The following ZNF30 variants were observed in gnomAD, a reference collection of about 807,000 sequenced individuals.
The protein encoded by ZNF30 is zinc finger protein 30 (KOX 28).
In ZNF30, 15 loss-of-function variants were observed where a neutral mutation model predicts 13.2. That is an observed-to-expected ratio of 1.13 (90% CI 0.76 to 1.75). The LOEUF is 1.75. Ranked by LOEUF, ZNF30 falls within the 40% of genes most tolerant of loss-of-function variation. The pLI is 0.00. For missense variants in ZNF30, 726 were observed against 757.0 expected (o/e 0.96, Z 0.48); for synonymous variants, 223 against 256.6 (o/e 0.87, Z 1.25).
At position 34,944,632 on chromosome 19, in the gene ZNF30, A is replaced by G; in HGVS notation, c.1666A>G (p.Ile556Val). The G allele has an allele frequency of 6.2e-7, 1 of 1,614,132 alleles. No individual in the cohort carries two copies. The highest frequency in any genetic ancestry group is 8.5e-7 in the Non-Finnish European group (1 of 1,179,984). ...AGCCTTTACTGTTTATGGACAACTT[A>G]TTGGACATCAGAGTGTTCACACTGG... ...GKAFTVYGQL[I>V]GHQSVHTGEK... Residue 556 changes from isoleucine to valine, a missense_variant, in exon 5 of 5, where the codon ATT becomes GTT. Transcript: ENST00000601142.
At chr19:34,932,756 G>A (rs182177365) in intron 3 of ZNF30, among the ~76,000 whole-genome samples, 5 of 150,650 alleles carry the variant, frequency 3.3e-5, no homozygotes, top group Admixed American at 6.6e-5. Context: ...CACAATCCGC[G>A]TTCTCAATCA....
intron 4 of ZNF30, among the ~76,000 whole-genome samples, chr19:34,936,729 CTATATAAAATG>C (rs1290646674): frequency 6.6e-6 from 1 of 152,002 alleles, no homozygotes; most frequent in Non-Finnish European, 1.5e-5. Flanking sequence ...TATCCCATCT[CTATATAAAATG>C]TACAAATTAG....
At chr19:34,933,231 G>A (rs1288635898) in intron 3 of ZNF30, among the ~76,000 whole-genome samples, 3 of 151,964 alleles carry the variant, frequency 2.0e-5, no homozygotes, top group Admixed American at 6.6e-5. Context: ...CAAGGTGGGC[G>A]GATCACGAGG....
intron 1 of ZNF30, among the ~76,000 whole-genome samples, chr19:34,928,220 A>AAAAAATATATATATATAT (rs1555778254): frequency 1.4e-5 from 1 of 73,416 alleles, no homozygotes; most frequent in Non-Finnish European, 2.6e-5. Context: ...AAAAAAAAAA[A>AAAAAATATATATATATAT]ATATATATAT....
chr19:34,931,982 T>G lies in ZNF30; in HGVS notation c.149T>G (p.Leu50Trp). The G allele has an allele frequency of 6.3e-7, 1 of 1,597,754 alleles. No homozygotes were observed. Among genetic ancestry groups the G allele is most frequent in the Non-Finnish European group, 8.5e-7 (1 of 1,174,464 alleles). Residue 50 changes from leucine (L) to tryptophan (W), a missense_variant, in exon 3 of 5, where the codon TTG becomes TGG. Coordinates refer to ENST00000601142, the MANE Select transcript of ZNF30 (RefSeq NM_194325.3). ...GTGATGTTGGAGAACTACAGGAACT[T>G]GGTGTCAATGGGTAAGTGTACTTCT... ...RDVMLENYRN[L>W]VSMGHSRSKP...
chr19:34,927,450 T>C (rs1351321607), intron 1 of ZNF30, among the ~76,000 whole-genome samples: 1 of 152,264 alleles, frequency 6.6e-6, no homozygotes, highest in Non-Finnish European at 1.5e-5. Context: ...ACGATAGTTA[T>C]GATACCTTTT....
chr19:34,926,402 C>G (rs1777740389), upstream of ZNF30, among the ~76,000 whole-genome samples: 1 of 152,128 alleles, frequency 6.6e-6, no homozygotes, highest in South Asian at 2.1e-4. Context: ...TAGTTAATAT[C>G]TGTTTGATTA....
intron 3 of ZNF30, 87 bp from the exon 4 acceptor site, chr19:34,933,541 C>G (rs2012570433): frequency 1.0e-6 from 1 of 984,600 alleles, no homozygotes; most frequent in Non-Finnish European, 1.6e-6. Flanking sequence ...ATCGTTTGAC[C>G]TTTCATTTAT....
intron 1 of ZNF30, among the ~76,000 whole-genome samples, chr19:34,928,220 AATATATATATAT>A (rs374649415): frequency 5.4e-5 from 4 of 73,422 alleles, no homozygotes; most frequent in East Asian, 6.3e-4. Context: ...AAAAAAAAAA[AATATATATATAT>A]ATATATATAT....
At chr19:34,930,079 T>C in intron 2 of ZNF30, 123 bp downstream of exon 2, 1 of 970,610 alleles carries the variant, frequency 1.0e-6, no homozygotes, top group Non-Finnish European at 1.5e-6. Context: ...TCCTTCTGTT[T>C]GGCGGAATGA....
intron 3 of ZNF30, 41 bp from the exon 4 acceptor site, chr19:34,933,587 T>A (rs763741973): frequency 4.9e-5 from 71 of 1,442,174 alleles, no homozygotes; most frequent in Non-Finnish European, 5.7e-5. Context: ...ATTTTTGAAC[T>A]CATATTTTAT....
At chr19:34,942,237 A>G (rs1176860278) in intron 4 of ZNF30, among the ~76,000 whole-genome samples, 2 of 152,080 alleles carry the variant, frequency 1.3e-5, no homozygotes, top group Non-Finnish European at 2.9e-5. Context: ...GAGCCTAGGA[A>G]TTGGAGACCA....
intron 3 of ZNF30, among the ~76,000 whole-genome samples, chr19:34,932,901 C>T (rs1437208942): frequency 1.3e-5 from 2 of 151,596 alleles, no homozygotes; most frequent in Non-Finnish European, 2.9e-5. Flanking sequence ...CTGCCTCAGC[C>T]TCCCTAGTAG....
In ZNF30 at chr19:34,929,879, T is replaced by G. The variant is rs1195601682; in HGVS notation, c.-64-5T>G. The G allele has an allele frequency of 4.1e-6, 6 of 1,457,732 alleles. No individual in the cohort carries two copies. Among genetic ancestry groups the G allele is most frequent in the Non-Finnish European group, 5.6e-6 (6 of 1,069,600 alleles). The allele number at this position is 1,457,732 out of a possible 1,614,324, so 90.3% of individuals were successfully genotyped here. On this transcript the variant is annotated splice_polypyrimidine_tract_variant and splice_region_variant and intron_variant, in intron 1 of 4. Coordinates refer to ENST00000601142, the MANE Select transcript of ZNF30 (RefSeq NM_194325.3). ...GCCTCCTTTTCTCCTCTCTGGATTTTCTAGCTTTTGAACTTCTCAGATAGA... is the reference window on the plus strand; with the variant it reads ...GCCTCCTTTTCTCCTCTCTGGATTTGCTAGCTTTTGAACTTCTCAGATAGA...
At position 34,933,684 on chromosome 19, in the gene ZNF30, G is replaced by A. The variant is rs766977255; in HGVS notation, c.217G>A (p.Glu73Lys). 33 of 1,597,668 alleles carry A rather than the reference G, an allele frequency of 2.1e-5. No individual in the cohort carries two copies. In the African/African-American group the frequency reaches 4.2e-4, roughly 20 times the overall value. ...CTTATTGGAACAATGGAAAGAGCCT[G>A]AAGTGACAGTGAGGAAAGATGGAAG... is the stretch of plus-strand genomic sequence containing the variant. ...IALLEQWKEP[E>K]VTVRKDGRRW... The change falls in exon 4 of 5, where the codon GAA becomes AAA. Residue 73 changes from glutamate (E) to lysine (K), a missense_variant. By Grantham distance (56) the Glu-to-Lys change is moderately conservative. Coordinates refer to ENST00000601142, the MANE Select transcript of ZNF30 (RefSeq NM_194325.3).
At chr19:34,924,919 A>G (rs1391505508), upstream of ZNF30, among the ~76,000 whole-genome samples, 1 of 152,238 alleles carries the variant, frequency 6.6e-6, no homozygotes, top group Non-Finnish European at 1.5e-5. Flanking sequence ...TAATTCCAAT[A>G]AGGCTAAAAA....
chr19:34,928,219 AAATAT>A (rs1433022840), intron 1 of ZNF30, among the ~76,000 whole-genome samples: 1 of 62,922 alleles, frequency 1.6e-5, no homozygotes, highest in African/African-American at 1.0e-4. Context: ...AAAAAAAAAA[AAATAT>A]ATATATATAT....
chr19:34,941,277 T>C (rs112158580), intron 4 of ZNF30, among the ~76,000 whole-genome samples: 1,974 of 152,322 alleles, frequency 0.013, 31 homozygotes, highest in Middle Eastern at 0.034. Context: ...TGTTTTGTTT[T>C]GTTTTGAGAT....
At chr19:34,936,924 G>A (rs1327697513) in intron 4 of ZNF30, among the ~76,000 whole-genome samples, 1 of 152,060 alleles carries the variant, frequency 6.6e-6, no homozygotes, top group Non-Finnish European at 1.5e-5. Context: ...GGGATTCATT[G>A]GCATTTGGCT....
Sources: allele counts gnomAD v4.1 joint callset (sites outside exome capture counted in the v4.1 genomes callset), GRCh38; gene constraint gnomAD v4.1.1; transcripts MANE v1.5; gene names NCBI Gene and HGNC (gene_info 2026-07-23, HGNC 2026-07-21).